WASF2: variants seen among roughly 807,000 people sequenced by gnomAD.
WASF2 encodes the protein WASP family member 2, also known as actin-binding protein WASF2.
Under a neutral mutation model 45.0 loss-of-function variants are expected in WASF2, and 14 were observed. That is an observed-to-expected ratio of 0.31 (90% CI 0.21 to 0.49). The LOEUF is 0.49. Among genes scored for constraint, WASF2 ranks in the 20% least tolerant of loss-of-function variants. The pLI, the probability that WASF2 is intolerant of heterozygous loss-of-function variation, is 0.99. For missense variants in WASF2, 439 were observed against 636.1 expected (o/e 0.69, Z 3.33); for synonymous variants, 200 against 236.3 (o/e 0.85, Z 1.41).
chr1:27,474,524 C>A (rs2017738697), intron 1 of WASF2, among the ~76,000 whole-genome samples: 1 of 151,966 alleles, frequency 6.6e-6, no homozygotes, highest in South Asian at 2.1e-4. Flanking sequence ...CTAATCCCAG[C>A]ACTTTGGGAG....
At chr1:27,447,826 T>C (rs1185202670) in intron 1 of WASF2, among the ~76,000 whole-genome samples, 4 of 152,240 alleles carry the variant, frequency 2.6e-5, no homozygotes, top group African/African-American at 7.2e-5. Context: ...AAGTTTCATC[T>C]TGATAACACT....
intron 1 of WASF2, among the ~76,000 whole-genome samples, chr1:27,474,952 AAAAAC>A (rs1019308644): frequency 2.6e-5 from 4 of 151,784 alleles, no homozygotes; most frequent in Non-Finnish European, 5.9e-5. Context: ...ATCTTGTCTC[AAAAAC>A]AAAACAAAAC....
intron 2 of WASF2, 92 bp downstream of exon 2, chr1:27,428,669 G>A (rs1557601945): frequency 1.3e-6 from 2 of 1,597,464 alleles, no homozygotes; most frequent in African/African-American, 2.7e-5. Context: ...AAGGCAGATG[G>A]GGGAGAAATA....
chr1:27,454,187 A>ATTTTTTTTT (rs869057863), intron 1 of WASF2, among the ~76,000 whole-genome samples: 3 of 12,776 alleles, frequency 2.3e-4, no homozygotes, highest in African/African-American at 6.2e-4. Context: ...ATATATATAT[A>ATTTTTTTTT]TTTTTTTTTT....
intron 1 of WASF2, among the ~76,000 whole-genome samples, chr1:27,441,041 T>C (rs1324176565): frequency 6.6e-6 from 1 of 151,734 alleles, no homozygotes; most frequent in Non-Finnish European, 1.5e-5. Context: ...TAATTTTTTG[T>C]ATTTTTGGTA....
chr1:27,462,963 G>A (rs2017566704), intron 1 of WASF2, among the ~76,000 whole-genome samples: 1 of 152,044 alleles, frequency 6.6e-6, no homozygotes, highest in African/African-American at 2.4e-5. Flanking sequence ...GGGATTACAG[G>A]TGCGCGCCAC....
chr1:27,425,456 A>T (rs2016965683), intron 2 of WASF2, among the ~76,000 whole-genome samples: 1 of 152,190 alleles, frequency 6.6e-6, no homozygotes, highest in African/African-American at 2.4e-5. Flanking sequence ...TAATCCCAAC[A>T]CTTTGGGAGG....
chr1:27,410,139 T>G lies in WASF2; in HGVS notation c.892A>C (p.Ser298Arg). 1 of 1,613,966 alleles carries G rather than the reference T, an allele frequency of 6.2e-7. No homozygotes were observed. The highest frequency in any genetic ancestry group is 8.5e-7 in the Non-Finnish European group (1 of 1,179,928). ...GPKRSSVVSP[S>R]HPPPAPPLGS... is the part of the protein sequence containing the mutation. ...AGAGGAGGAGCTGGTGGTGGATGGC[T>G]TGGGCTGACCACACTGGATCTTTTG... is the stretch of plus-strand genomic sequence containing the variant. Residue 298 changes from serine to arginine, a missense_variant, in exon 8 of 9, where the codon AGC becomes CGC. This residue lies in a region of WASF2 where 286 missense variants were observed against 373.5 expected (regional missense o/e 0.77). Coordinates refer to ENST00000618852, the MANE Select transcript of WASF2 (RefSeq NM_006990.5). The surrounding 1 kb of genome is among the most constrained non-coding windows in gnomAD (Gnocchi z 4.2).
intron 1 of WASF2, among the ~76,000 whole-genome samples, chr1:27,487,784 T>C (rs1038208572): frequency 5.1e-5 from 7 of 136,572 alleles, no homozygotes; most frequent in Admixed American, 3.4e-4. Flanking sequence ...ATTTATTTTA[T>C]ATTCTTATTA....
chr1:27,441,350 G>C (rs1244180892), intron 1 of WASF2, among the ~76,000 whole-genome samples: 1 of 151,882 alleles, frequency 6.6e-6, no homozygotes, highest in Non-Finnish European at 1.5e-5. Context: ...AAACGTGGCT[G>C]GGCGTGGTGG....
intron 4 of WASF2, among the ~76,000 whole-genome samples, chr1:27,417,456 T>TACAC (rs373623292): frequency 6.6e-6 from 1 of 151,158 alleles, no homozygotes; most frequent in Non-Finnish European, 1.5e-5. Context: ...TTCACGTGGG[T>TACAC]ACACACACAC....
chr1:27,467,360 G>A (rs1267738156), intron 1 of WASF2, among the ~76,000 whole-genome samples: 49 of 149,580 alleles, frequency 3.3e-4, no homozygotes, highest in African/African-American at 1.1e-3. Context: ...GAATGCAGTG[G>A]TGCAATCTCA....
chr1:27,415,396 T>C (rs536010250), intron 5 of WASF2, among the ~76,000 whole-genome samples: 91 of 152,294 alleles, frequency 6.0e-4, no homozygotes, highest in Middle Eastern at 3.4e-3. Flanking sequence ...CAATGAAGAA[T>C]TTTTCCGCCT....
At chr1:27,484,043 T>C (rs115977119) in intron 1 of WASF2, among the ~76,000 whole-genome samples, 119 of 152,282 alleles carry the variant, frequency 7.8e-4, no homozygotes, top group Middle Eastern at 3.4e-3. Flanking sequence ...TTCTTATCCT[T>C]TGTATCTCCA....
At chr1:27,467,614 T>C (rs549507438) in intron 1 of WASF2, among the ~76,000 whole-genome samples, 52 of 150,798 alleles carry the variant, frequency 3.4e-4, no homozygotes, top group African/African-American at 1.1e-3. Context: ...ATAAAGTATA[T>C]TATTAAAATG....
At chr1:27,487,600 A>G (rs1379589458) in intron 1 of WASF2, among the ~76,000 whole-genome samples, 2 of 101,124 alleles carry the variant, frequency 2.0e-5, no homozygotes, top group Admixed American at 1.6e-4. Flanking sequence ...TTTATATAAT[A>G]TATAATATAT....
intron 8 of WASF2, among the ~76,000 whole-genome samples, chr1:27,409,027 G>A (rs1396727411): frequency 2.6e-5 from 4 of 151,892 alleles, no homozygotes; most frequent in African/African-American, 7.3e-5. Flanking sequence ...AAAACCCTTC[G>A]GAGAAACTGA....
rs200795125 is a variant in WASF2, at chr1:27,416,081, G to T, written c.441C>A (p.Leu147=). Residue 147 remains leucine (L), a synonymous_variant, in exon 5 of 9, where the codon CTC becomes CTA. Coordinates refer to ENST00000618852, the MANE Select transcript of WASF2 (RefSeq NM_006990.5). The stretch of plus-strand genomic sequence containing the variant: ...AGTATGAAGGGTCTGTGTAGAATTT[G>T]AGTGCCTCTTTTCCATCGTCCCTGG... ...TPYRDDGKEA[L]KFYTDPSYFF... 2 of 1,613,946 alleles carry T rather than the reference G, an allele frequency of 1.2e-6. No individual in the cohort carries two copies. The highest frequency in any genetic ancestry group is 2.2e-5 in the East Asian group (1 of 44,894).
chr1:27,487,598 A>ATATATAATATATATTATATGT (rs2017955993), intron 1 of WASF2, among the ~76,000 whole-genome samples: 4 of 98,620 alleles, frequency 4.1e-5, no homozygotes, highest in Non-Finnish European at 7.3e-5. Context: ...ATTTTATATA[A>ATATATAATATATATTATATGT]TATATAATAT....
Sources: allele counts gnomAD v4.1 joint callset (sites outside exome capture counted in the v4.1 genomes callset), GRCh38; gene constraint gnomAD v4.1.1; regional missense constraint gnomAD v4.1.1; non-coding constraint Gnocchi (gnomAD v3.1); transcripts MANE v1.5; gene names NCBI Gene and HGNC (gene_info 2026-07-23, HGNC 2026-07-21).